SLC39A12: variants seen among roughly 807,000 people sequenced by gnomAD.
SLC39A12 encodes zinc transporter ZIP12.
Under a neutral mutation model 71.1 loss-of-function variants are expected in SLC39A12, and 63 were observed. The observed-to-expected ratio is 0.89, with a 90% CI of 0.72 to 1.09. The LOEUF (loss-of-function observed/expected upper bound fraction) is 1.09, where lower values mean the gene tolerates loss of function less well. Among genes scored for constraint, SLC39A12 ranks in the 50% least tolerant of loss-of-function variants. SLC39A12 has a pLI of 0.00. For missense variants in SLC39A12, 892 were observed against 812.6 expected, an observed-to-expected ratio of 1.10 and a Z score of -1.19; for synonymous variants, 351 against 301.3, an observed-to-expected ratio of 1.16 and a Z score of -1.71.
intron 12 of SLC39A12, among the ~76,000 whole-genome samples, chr10:18,019,514 TATA>T (rs1836471896): frequency 6.6e-6 from 1 of 152,052 alleles, no homozygotes; most frequent in Non-Finnish European, 1.5e-5. Context: ...TTCTGATATA[TATA>T]ATATCTGATT....
intron 6 of SLC39A12, among the ~76,000 whole-genome samples, chr10:17,983,134 A>C (rs181727304): frequency 4.9e-4 from 64 of 130,570 alleles, no homozygotes; most frequent in Admixed American, 9.3e-4. Flanking sequence ...GCACCACTGC[A>C]CTCCAGCCTG....
chr10:18,004,652 A>T (rs1220143509), intron 12 of SLC39A12, among the ~76,000 whole-genome samples: 1 of 152,204 alleles, frequency 6.6e-6, no homozygotes, highest in East Asian at 1.9e-4. Context: ...AAATGTTCTT[A>T]TATATTATCT....
intron 4 of SLC39A12, among the ~76,000 whole-genome samples, chr10:17,973,939 A>G (rs1435602269): frequency 6.6e-6 from 1 of 151,206 alleles, no homozygotes; most frequent in African/African-American, 2.4e-5. Flanking sequence ...GTATTTTCAA[A>G]TAGACCCTGT....
chr10:18,002,322 G>C (rs575187732), intron 11 of SLC39A12: 8 of 151,992 alleles, frequency 5.3e-5, no homozygotes, highest in Admixed American at 5.2e-4. Context: ...ATCCTTCTTG[G>C]AGCAGTTTAT....
intron 7 of SLC39A12, among the ~76,000 whole-genome samples, chr10:17,988,080 G>A (rs1457591948): frequency 6.6e-6 from 1 of 152,144 alleles, no homozygotes; most frequent in Non-Finnish European, 1.5e-5. Context: ...GGCCAAGGCA[G>A]GTGGATTACT....
In SLC39A12 at chr10:17,991,032, G is replaced by A. The variant is rs532179002; in HGVS notation, c.1270-119G>A. 1.4e-4 allele frequency: 145 copies of A among 1,026,964 alleles called. 1 individual carries two copies. In the Admixed American group the frequency reaches 2.9e-3, roughly 21 times the overall value. The allele number at this position is 1,026,964 out of a possible 1,614,324, so 63.6% of individuals were successfully genotyped here. On this transcript the variant is annotated intron_variant, in intron 7 of 12. Coordinates refer to ENST00000377369, the MANE Select transcript of SLC39A12 (RefSeq NM_001145195.2). ...TAGTGATTGTATTAATAGTTGTCAC[G>A]GCATTTCCCAGAATGAAAATTAAAT...
At position 17,967,708 on chromosome 10, in the gene SLC39A12, C is replaced by A. The variant is rs916643831; in HGVS notation, c.751+2018C>A. Among the ~76,000 whole-genome samples, 22 of 151,574 alleles carry A rather than the reference C, an allele frequency of 1.5e-4. No homozygotes were observed. The South Asian group carries it at 4.4e-3, about 30-fold the overall frequency. On this transcript the variant is annotated intron_variant, in intron 4 of 12. Coordinates refer to ENST00000377369, the MANE Select transcript of SLC39A12 (RefSeq NM_001145195.2). ...ACCATCCTGGCTAACACGGTGAAAC[C>A]CAGTCTCTACTAAAAAATACAAAAA...
chr10:18,039,945 T>C (rs1837173302), intron 12 of SLC39A12, among the ~76,000 whole-genome samples: 1 of 152,206 alleles, frequency 6.6e-6, no homozygotes, highest in African/African-American at 2.4e-5. Context: ...TATCAAGGCA[T>C]TTAGTAAATG....
intron 12 of SLC39A12, among the ~76,000 whole-genome samples, chr10:18,030,317 C>T (rs1370021142): frequency 6.6e-6 from 1 of 151,346 alleles, no homozygotes; most frequent in African/African-American, 2.4e-5. Flanking sequence ...GGCTGGAGCA[C>T]AGTGGCGCCT....
chr10:17,981,307 C>A lies in SLC39A12; in HGVS notation c.925-5C>A. 1.2e-5 allele frequency: 19 copies of A among 1,602,374 alleles called. No homozygotes were observed. The highest frequency in any genetic ancestry group is 1.6e-5 in the Non-Finnish European group (19 of 1,173,176). ...TAGTAACAATGTTATGTTTTCCTCA[C>A]ACAGACCTGCTTCTCTGCTAGGCAG... On this transcript the variant is annotated splice_polypyrimidine_tract_variant and splice_region_variant and intron_variant, in intron 5 of 12. Coordinates refer to ENST00000377369, the MANE Select transcript of SLC39A12 (RefSeq NM_001145195.2).
At chr10:17,982,318 A>G (rs1305326438) in intron 6 of SLC39A12, among the ~76,000 whole-genome samples, 1 of 152,220 alleles carries the variant, frequency 6.6e-6, no homozygotes, top group Admixed American at 6.5e-5. Context: ...TCTTCAGTAA[A>G]TTTAAAGCTC....
intron 12 of SLC39A12, among the ~76,000 whole-genome samples, chr10:18,041,685 A>G (rs868820724): frequency 2.2e-5 from 1 of 45,078 alleles, no homozygotes; most frequent in African/African-American, 6.9e-5. Context: ...GTATATACAT[A>G]TGTATATATG....
intron 12 of SLC39A12, among the ~76,000 whole-genome samples, chr10:18,012,865 CAAAAA>C (rs35173291): frequency 1.9e-5 from 2 of 104,380 alleles, no homozygotes; most frequent in Non-Finnish European, 1.9e-5. Context: ...GACTACGTCT[CAAAAA>C]AAAAAAAAAA....
At chr10:18,015,145 T>C (rs914630929) in intron 12 of SLC39A12, among the ~76,000 whole-genome samples, 1 of 152,200 alleles carries the variant, frequency 6.6e-6, no homozygotes, top group African/African-American at 2.4e-5. Context: ...AGACACTGCA[T>C]GGATAAAGGA....
chr10:17,980,033 A>G (rs533565606), intron 5 of SLC39A12, among the ~76,000 whole-genome samples: 2 of 152,300 alleles, frequency 1.3e-5, no homozygotes, highest in African/African-American at 2.4e-5. Flanking sequence ...AGAGGAGGGC[A>G]CGGGTGGGAA....
At chr10:17,958,775 A>G (rs1554848026) in intron 2 of SLC39A12, among the ~76,000 whole-genome samples, 1 of 152,232 alleles carries the variant, frequency 6.6e-6, no homozygotes, top group East Asian at 1.9e-4. Flanking sequence ...ACACAAATGT[A>G]TCCATTAATT....
rs1257345555 is a variant in SLC39A12, at chr10:17,961,698, G to A, written c.379G>A (p.Glu127Lys). The A allele has an allele frequency of 1.2e-6, 2 of 1,613,930 alleles. No homozygotes were observed. The highest frequency in any genetic ancestry group is 2.7e-5 in the African/African-American group (2 of 74,906). ...TCTCTATTACATTATTCATCAGGAA[G>A]AGATCTGTTCTTCAAAGCTCAACAT... is the stretch of plus-strand genomic sequence containing the variant. ...LLLYYIIHQEEICSSKLNMSN... is the reference protein window; with the variant it reads ...LLLYYIIHQEKICSSKLNMSN... Residue 127 changes from glutamate to lysine, a missense_variant, in exon 3 of 13, where the codon GAG becomes AAG. Transcript: ENST00000377369.
intron 12 of SLC39A12, among the ~76,000 whole-genome samples, chr10:18,036,794 A>ATATAT (rs1554855475): frequency 4.8e-4 from 45 of 92,784 alleles, no homozygotes; most frequent in Non-Finnish European, 7.7e-4. Context: ...ATATATATAT[A>ATATAT]TTTTTTTTTT....
intron 6 of SLC39A12, among the ~76,000 whole-genome samples, chr10:17,983,708 G>A (rs987100250): frequency 2.0e-5 from 3 of 152,070 alleles, no homozygotes; most frequent in Non-Finnish European, 2.9e-5. Context: ...TTTGAACCCG[G>A]GAGGTGGAGG....
Sources: gnomAD v4.1 joint callset for allele counts (sites outside exome capture counted in the v4.1 genomes callset) on GRCh38, gnomAD v4.1.1 for gene constraint, MANE v1.5 for transcripts, NCBI Gene and HGNC (gene_info 2026-07-23, HGNC 2026-07-21) for gene names.